LAMB4: variants seen among roughly 807,000 people sequenced by gnomAD.
LAMB4 encodes the protein laminin subunit beta-4.
LAMB4 carries 196 observed loss-of-function variants against 199.2 expected under a neutral mutation model. The observed-to-expected ratio is 0.98, with a 90% CI of 0.88 to 1.11. The LOEUF is 1.11. LAMB4 is among the 50% of genes least tolerant of loss of function. The pLI is 0.00. For missense variants in LAMB4, 2,080 were observed against 2,171.2 expected, an observed-to-expected ratio of 0.96 and a Z score of 0.83; for synonymous variants, 744 against 770.6, an observed-to-expected ratio of 0.97 and a Z score of 0.57.
At chr7:108,048,865 G>A (rs951208983) in intron 27 of LAMB4, among the ~76,000 whole-genome samples, 76 of 151,810 alleles carry the variant, frequency 5.0e-4, no homozygotes, top group African/African-American at 1.8e-3. Context: ...GGTAATTTTT[G>A]TTTTTTGTAG....
Position 108,091,621 on chromosome 7 carries a change from C to A in LAMB4, c.1701+5G>T. On this transcript the variant is annotated splice_donor_5th_base_variant and intron_variant, in intron 14 of 33. Coordinates refer to ENST00000388781, the MANE Select transcript of LAMB4 (RefSeq NM_007356.3). ...GTCTGTAGGGAAAGTAAATGAAATA[C>A]GAACCAAAGGCGCCAGTCCTTGGAG... 1 of 1,611,076 alleles carries A rather than the reference C, an allele frequency of 6.2e-7. No individual in the cohort carries two copies. Among genetic ancestry groups the A allele is most frequent in the Non-Finnish European group, 8.5e-7 (1 of 1,178,832 alleles).
chr7:108,029,070 T>C lies in LAMB4; in HGVS notation c.5119A>G (p.Thr1707Ala). Reference sequence around the variant, plus strand: ...GTTATTCTTCTTATCTTGGCCTCTGTATCTCCAGCCAATTTTTCTGCCGCA... The same window carrying C: ...GTTATTCTTCTTATCTTGGCCTCTGCATCTCCAGCCAATTTTTCTGCCGCA... Reference protein sequence around the residue: ...KDAAEKLAGDTEAKIRRITDL... With the variant: ...KDAAEKLAGDAEAKIRRITDL... The change falls in exon 33 of 34, where the codon ACA becomes GCA. Residue 1707 changes from threonine to alanine, a missense_variant. Coordinates refer to ENST00000388781, the MANE Select transcript of LAMB4 (RefSeq NM_007356.3). The C allele has an allele frequency of 6.2e-7, 1 of 1,614,090 alleles. No homozygotes were observed. Among genetic ancestry groups the C allele is most frequent in the Non-Finnish European group, 8.5e-7 (1 of 1,179,994 alleles).
chr7:108,057,900 C>T lies in LAMB4; in HGVS notation c.3311G>A (p.Gly1104Asp). 1.9e-6 allele frequency: 3 copies of T among 1,613,868 alleles called. No individual in the cohort carries two copies. The highest frequency in any genetic ancestry group is 4.5e-5 in the East Asian group (2 of 44,878). ...QLTGQCPCKL[G>D]YGGKRCSECQ... ...CTCACTGCAACGTTTCCCGCCGTAA[C>T]CTAATTTACACGGACACTGGCCTGT... The change falls in exon 24 of 34, where the codon GGT becomes GAT. Residue 1104 changes from glycine (G) to aspartate (D), a missense_variant. By Grantham distance (94) the Gly-to-Asp change is moderately conservative. Coordinates refer to ENST00000388781, the MANE Select transcript of LAMB4 (RefSeq NM_007356.3).
Position 108,078,289 on chromosome 7 carries a change from C to T in LAMB4, c.1915G>A (p.Val639Met), listed in dbSNP as rs1310108626. 1.1e-5 allele frequency: 17 copies of T among 1,608,476 alleles called. No homozygotes were observed. Among genetic ancestry groups the T allele is most frequent in the Middle Eastern group, 1.7e-4 (1 of 6,052 alleles). The part of the protein sequence containing the change: ...QSAADWTVQI[V>M]VNPPGGSEHC... ...TCACTCCCTCCAGGGGGGTTCACCA[C>T]AATCTGGACAGTCCAGTCAGCTGCA... The change falls in exon 16 of 34, where the codon GTG (valine) becomes ATG (methionine). Residue 639 changes from valine (V) to methionine (M), a missense_variant. Val to Met is a conservative substitution (Grantham distance 21). Transcript: ENST00000388781.
intron 2 of LAMB4, among the ~76,000 whole-genome samples, chr7:108,119,855 T>G (rs1200476140): frequency 6.6e-6 from 1 of 152,198 alleles, no homozygotes; most frequent in Non-Finnish European, 1.5e-5. Flanking sequence ...TATAAGATGC[T>G]ATGACTGAGA....
rs1287551960 is a variant in LAMB4, at chr7:108,102,982, GT to G, written c.1180+61del. On this transcript the variant is annotated intron_variant, in intron 10 of 33. Transcript: ENST00000388781. ...AGCAGATAAGGTGCGGGCAGCCCCA[GT>G]AAGATCAAACTGAACTTTGCTCAGA... 3.5e-6 allele frequency: 5 copies of G among 1,436,296 alleles called. No homozygotes were observed. The African/African-American group carries it at 5.6e-5, about 16-fold the overall frequency. 89.0% of individuals were successfully genotyped at this position (1,436,296 alleles called of 1,614,324 possible).
the LAMB4 span, among the ~76,000 whole-genome samples, chr7:108,012,907 T>C: frequency 6.6e-6 from 1 of 152,220 alleles, no homozygotes; most frequent in East Asian, 1.9e-4. Flanking sequence ...TGTTTATGGA[T>C]GTTCAACACC....
chr7:108,087,792 C>T (rs955531097), intron 14 of LAMB4, among the ~76,000 whole-genome samples: 6 of 152,192 alleles, frequency 3.9e-5, no homozygotes, highest in Non-Finnish European at 8.8e-5. Flanking sequence ...ACTCTCTAAC[C>T]CTTCAGAACC....
At chr7:108,070,930 C>A (rs755520499) in intron 17 of LAMB4, among the ~76,000 whole-genome samples, 2 of 152,214 alleles carry the variant, frequency 1.3e-5, no homozygotes, top group Non-Finnish European at 2.9e-5. Context: ...AGGCCTGGAG[C>A]TTCCTACTAC....
At position 108,067,886 on chromosome 7, in the gene LAMB4, A is replaced by C. The variant is rs1166700468; in HGVS notation, c.2446+130T>G. 6 of 1,114,782 alleles carry C rather than the reference A, an allele frequency of 5.4e-6. No homozygotes were observed. The African/African-American group carries it at 9.3e-5, about 17-fold the overall frequency. The allele number at this position is 1,114,782 out of a possible 1,614,324, so 69.1% of individuals were successfully genotyped here. On this transcript the variant is annotated intron_variant, in intron 19 of 33. Transcript: ENST00000388781. ...AAAATGTTCAGTATATTTTATGTAC[A>C]TAGATAGTCTGAATAATGTAGTCAG... is the stretch of plus-strand genomic sequence containing the variant.
chr7:108,115,919 T>A, intron 3 of LAMB4, 85 bp downstream of exon 3: 1 of 1,405,530 alleles, frequency 7.1e-7, no homozygotes, highest in South Asian at 1.3e-5. Flanking sequence ...TCTCCTTTAA[T>A]GTCTGAGTAG....
At chr7:108,122,306 T>C (rs752931451) in intron 2 of LAMB4, among the ~76,000 whole-genome samples, 1 of 152,182 alleles carries the variant, frequency 6.6e-6, no homozygotes, top group Non-Finnish European at 1.5e-5. Flanking sequence ...TTTTTCTGAA[T>C]GAGACCAGTC....
intron 14 of LAMB4, among the ~76,000 whole-genome samples, chr7:108,088,096 G>A (rs973947750): frequency 2.6e-5 from 4 of 151,508 alleles, no homozygotes; most frequent in African/African-American, 9.7e-5. Context: ...TCTTTTCTTT[G>A]TCAATTATGA....
At chr7:108,029,306 T>TC in intron 32 of LAMB4, 110 bp from the exon 33 acceptor site, 1 of 860,622 alleles carries the variant, frequency 1.2e-6, no homozygotes, top group African/African-American at 1.7e-5. Context: ...GAAACCTTAA[T>TC]CCAGTCAATA....
At chr7:108,124,732 T>C (rs1002673606) in intron 1 of LAMB4, among the ~76,000 whole-genome samples, 9 of 152,230 alleles carry the variant, frequency 5.9e-5, no homozygotes, top group Non-Finnish European at 1.3e-4. Context: ...TCACGTATTT[T>C]CAAGTGAGAC....
chr7:108,084,823 G>A (rs185536269), intron 14 of LAMB4, among the ~76,000 whole-genome samples: 46 of 120,224 alleles, frequency 3.8e-4, no homozygotes, highest in African/African-American at 1.2e-3. Context: ...ACAGGGTCTC[G>A]CTCTTGACCT....
intron 3 of LAMB4, among the ~76,000 whole-genome samples, chr7:108,115,332 A>C (rs2038368085): frequency 6.6e-6 from 1 of 152,236 alleles, no homozygotes; most frequent in East Asian, 1.9e-4. Context: ...TTGTGGATTC[A>C]ACCAACCAAG....
intron 21 of LAMB4, 67 bp from the exon 22 acceptor site, chr7:108,064,052 T>C (rs1204611349): frequency 8.7e-7 from 1 of 1,146,962 alleles, no homozygotes; most frequent in Admixed American, 1.7e-5. Context: ...AGGAGATGGA[T>C]GTTGTAAATA....
At chr7:108,105,717 G>A in intron 8 of LAMB4, 100 bp downstream of exon 8, 1 of 1,036,986 alleles carries the variant, frequency 9.6e-7, no homozygotes, top group Non-Finnish European at 1.5e-6. Context: ...CTGGCACTTA[G>A]ATTTGTTGAT....
Sources: gnomAD v4.1 joint callset for allele counts (sites outside exome capture counted in the v4.1 genomes callset) on GRCh38, gnomAD v4.1.1 for gene constraint, MANE v1.5 for transcripts, NCBI Gene and HGNC (gene_info 2026-07-23, HGNC 2026-07-21) for gene names.